FAM210A: variants seen among roughly 807,000 people sequenced by gnomAD.
FAM210A encodes the protein mitochondrial inner membrane scaffold 1.
FAM210A carries 13 observed loss-of-function variants against 25.3 expected under a neutral mutation model. That is an observed-to-expected ratio of 0.51 (90% CI 0.33 to 0.82). The LOEUF is 0.82. FAM210A is among the 40% of genes least tolerant of loss of function. FAM210A has a pLI of 0.02. For synonymous variants in FAM210A, 125 were observed against 118.7 expected (o/e 1.05, Z -0.35); for missense variants, 319 against 323.2 (o/e 0.99, Z 0.10).
intron 3 of FAM210A, 35 bp downstream of exon 3, chr18:13,671,827 G>T: frequency 7.2e-7 from 1 of 1,392,828 alleles, no homozygotes; most frequent in Non-Finnish European, 1.0e-6. Flanking sequence ...CCACCAGTGA[G>T]TTCTGAGGAG....
At chr18:13,717,662 T>C (rs1481706449) in intron 1 of FAM210A, among the ~76,000 whole-genome samples, 6 of 152,184 alleles carry the variant, frequency 3.9e-5, no homozygotes, top group African/African-American at 1.4e-4. Context: ...TTTTGAATTA[T>C]GGATTAGAGA....
intron 2 of FAM210A, among the ~76,000 whole-genome samples, chr18:13,678,853 G>T (rs2043525770): frequency 6.6e-6 from 1 of 152,304 alleles, no homozygotes; most frequent in South Asian, 2.1e-4. Context: ...ATCAATCAGG[G>T]TTTTGCCTCA....
At chr18:13,687,011 A>C (rs2043603524) in intron 1 of FAM210A, among the ~76,000 whole-genome samples, 2 of 152,252 alleles carry the variant, frequency 1.3e-5, no homozygotes, top group Non-Finnish European at 2.9e-5. Context: ...AAAAATCCTC[A>C]ACAAAATATT....
chr18:13,696,869 ATG>A (rs1249988620), intron 1 of FAM210A, among the ~76,000 whole-genome samples: 2 of 152,330 alleles, frequency 1.3e-5, no homozygotes, highest in Admixed American at 1.3e-4. Flanking sequence ...GTATACAGTT[ATG>A]TCCTAGGCCT....
At chr18:13,681,500 GA>G in intron 2 of FAM210A, 104 bp downstream of exon 2, 1 of 932,270 alleles carries the variant, frequency 1.1e-6, no homozygotes, top group Non-Finnish European at 1.6e-6. Flanking sequence ...CTCTATTGAT[GA>G]AAAACATTAA....
chr18:13,702,856 C>T (rs898262575), intron 1 of FAM210A, among the ~76,000 whole-genome samples: 4 of 152,138 alleles, frequency 2.6e-5, no homozygotes, highest in African/African-American at 9.7e-5. Flanking sequence ...TCTAAGAGCA[C>T]CTGTGAGGTT....
At chr18:13,706,317 C>T (rs2043777547) in intron 1 of FAM210A, among the ~76,000 whole-genome samples, 1 of 148,568 alleles carries the variant, frequency 6.7e-6, no homozygotes, top group Non-Finnish European at 1.5e-5. Flanking sequence ...ATACTTTTCC[C>T]TTGTTTATGC....
In FAM210A at chr18:13,664,583, A is replaced by G. The variant is rs957951983; in HGVS notation, c.*1897T>C. The G allele has an allele frequency of 6.6e-5, 10 of 152,170 alleles. No homozygotes were observed. Among genetic ancestry groups the G allele is most frequent in the Non-Finnish European group, 1.5e-4 (10 of 68,002 alleles). 9.4% of individuals were successfully genotyped at this position (152,170 alleles called of 1,614,324 possible). A position where few individuals can be genotyped will look rare whatever the true frequency, so the allele number is the denominator to read the frequency against. On this transcript the variant is annotated 3_prime_UTR_variant, in exon 4 of 4. Transcript: ENST00000651643. ...GGCATCAATGTGAAGCAGTGCATTC[A>G]ACCCTCTGTATCAGGAGACAGCGGT...
intron 2 of FAM210A, among the ~76,000 whole-genome samples, chr18:13,673,862 T>A (rs28463428): frequency 1.6e-5 from 1 of 64,000 alleles, no homozygotes. Context: ...TCCTGAGCCC[T>A]GGCTTCTTTA....
intron 1 of FAM210A, among the ~76,000 whole-genome samples, chr18:13,705,585 C>G (rs981519437): frequency 1.4e-4 from 21 of 152,132 alleles, no homozygotes; most frequent in African/African-American, 4.3e-4. Context: ...AATTCTCCTG[C>G]CTCAGCCTCC....
At chr18:13,699,715 A>T (rs539292278) in intron 1 of FAM210A, among the ~76,000 whole-genome samples, 1 of 152,276 alleles carries the variant, frequency 6.6e-6, no homozygotes, top group East Asian at 1.9e-4. Flanking sequence ...CCTTCTCCTT[A>T]TCAGTAAAAT....
intron 1 of FAM210A, among the ~76,000 whole-genome samples, chr18:13,682,732 G>C (rs865965535): frequency 6.6e-6 from 1 of 152,152 alleles, no homozygotes; most frequent in Non-Finnish European, 1.5e-5. Flanking sequence ...AGCCGGGAAT[G>C]GTGGTGTGTG....
At chr18:13,702,814 T>G (rs758830147) in intron 1 of FAM210A, among the ~76,000 whole-genome samples, 43 of 152,348 alleles carry the variant, frequency 2.8e-4, no homozygotes, top group Non-Finnish European at 4.7e-4. Flanking sequence ...TTGTTGATTC[T>G]CTTCCCCTCC....
chr18:13,696,792 A>G (rs900459388), intron 1 of FAM210A, among the ~76,000 whole-genome samples: 17 of 152,268 alleles, frequency 1.1e-4, no homozygotes, highest in Non-Finnish European at 1.5e-5. Flanking sequence ...TCAATTTATT[A>G]CTAAATAAAT....
chr18:13,711,672 C>G (rs1301704651), intron 1 of FAM210A, among the ~76,000 whole-genome samples: 1 of 152,166 alleles, frequency 6.6e-6, no homozygotes, highest in Non-Finnish European at 1.5e-5. Context: ...TCCTTTTTCT[C>G]TTAAATCTGA....
rs1006119320 is a variant in FAM210A, at chr18:13,663,816, A to G, written c.*2664T>C. 9.3e-5 allele frequency: 14 copies of G among 150,346 alleles called. No individual in the cohort carries two copies. Among genetic ancestry groups the G allele is most frequent in the African/African-American group, 3.3e-4 (13 of 39,768 alleles). 9.3% of individuals were successfully genotyped at this position (150,346 alleles called of 1,614,324 possible). A position where few individuals can be genotyped will look rare whatever the true frequency, so the allele number is the denominator to read the frequency against. ...GGTGACAGAGTGAGACTCTGTCTCAAAAAAATAAATATAAATATAAATATA... is the reference window on the plus strand; with the variant it reads ...GGTGACAGAGTGAGACTCTGTCTCAGAAAAATAAATATAAATATAAATATA... On this transcript the variant is annotated 3_prime_UTR_variant, in exon 4 of 4. Transcript: ENST00000651643.
chr18:13,721,089 A>AG (rs924651029), intron 1 of FAM210A, among the ~76,000 whole-genome samples: 3 of 152,184 alleles, frequency 2.0e-5, no homozygotes, highest in African/African-American at 7.2e-5. Context: ...TGAGGTACTA[A>AG]GGGCTAGGAA....
At position 13,681,594 on chromosome 18, in the gene FAM210A, C is replaced by T; in HGVS notation, c.473+11G>A. 1.3e-6 allele frequency: 2 copies of T among 1,572,060 alleles called. No homozygotes were observed. Among genetic ancestry groups the T allele is most frequent in the Non-Finnish European group, 1.7e-6 (2 of 1,161,880 alleles). On this transcript the variant is annotated intron_variant, in intron 2 of 3. Transcript: ENST00000651643. ...AGACAGGGAAAGACATTCAACTAAG[C>T]AAAAACTTACTTCAAGGCTGCATAA...
chr18:13,679,464 AT>A (rs1260664380), intron 2 of FAM210A, among the ~76,000 whole-genome samples: 3 of 152,130 alleles, frequency 2.0e-5, no homozygotes, highest in Non-Finnish European at 2.9e-5. Flanking sequence ...CATGAATTTG[AT>A]TTTTTTAAGC....
Sources: allele counts gnomAD v4.1 joint callset (sites outside exome capture counted in the v4.1 genomes callset), GRCh38; gene constraint gnomAD v4.1.1; transcripts MANE v1.5; gene names NCBI Gene and HGNC (gene_info 2026-07-23, HGNC 2026-07-21).